The following CDH12 variants were observed in gnomAD, a reference collection of about 807,000 sequenced individuals.
CDH12 encodes the protein cadherin 12, also known as cadherin-12.
A neutral mutation model predicts 74.1 loss-of-function variants in CDH12; 41 were observed. That is an observed-to-expected ratio of 0.55 (90% CI 0.43 to 0.72). The LOEUF (loss-of-function observed/expected upper bound fraction) is 0.72, where lower values mean the gene tolerates loss of function less well. Ranked by LOEUF, CDH12 falls within the 30% of genes least tolerant of loss-of-function variation. The pLI, the probability that CDH12 is intolerant of heterozygous loss-of-function variation, is 0.00. For synonymous variants in CDH12, 399 were observed against 355.0 expected (o/e 1.12, Z -1.39); for missense variants, 945 against 977.2 (o/e 0.97, Z 0.44).
At chr5:21,979,844 T>C (rs1197336772) in intron 5 of CDH12, among the ~76,000 whole-genome samples, 3 of 151,882 alleles carry the variant, frequency 2.0e-5, no homozygotes, top group Non-Finnish European at 4.4e-5. Context: ...TAGTTCTAGA[T>C]CCCTGAGGAA....
chr5:22,805,429 A>G (rs1166851665), intron 1 of CDH12, among the ~76,000 whole-genome samples: 1 of 152,048 alleles, frequency 6.6e-6, no homozygotes, highest in African/African-American at 2.4e-5. Context: ...AAGAATAATA[A>G]TTACATCTAA....
intron 6 of CDH12, among the ~76,000 whole-genome samples, chr5:21,967,071 T>C (rs1020994034): frequency 1.3e-5 from 2 of 152,026 alleles, no homozygotes; most frequent in Non-Finnish European, 2.9e-5. Context: ...TTAATGCTGA[T>C]GTTAATGCAT....
chr5:21,880,684 T>TTTCTTTCTTTCTTTCTTTCTTTCC (rs1561268943), intron 6 of CDH12, among the ~76,000 whole-genome samples: 1 of 133,348 alleles, frequency 7.5e-6, no homozygotes, highest in African/African-American at 2.7e-5. Flanking sequence ...TCTTTCTTTC[T>TTTCTTTCTTTCTTTCTTTCTTTCC]TTCTTTCTCT....
chr5:22,819,026 C>A (rs953747238), intron 1 of CDH12, among the ~76,000 whole-genome samples: 1 of 151,952 alleles, frequency 6.6e-6, no homozygotes, highest in Non-Finnish European at 1.5e-5. Flanking sequence ...CACTGACTGA[C>A]CCACTTAATA....
At chr5:22,122,145 G>A (rs1580284205) in intron 4 of CDH12, among the ~76,000 whole-genome samples, 1 of 152,150 alleles carries the variant, frequency 6.6e-6, no homozygotes, top group African/African-American at 2.4e-5. Context: ...GCTTATGCCT[G>A]TAATCCCAGC....
chr5:22,275,434 T>C (rs924007295), intron 3 of CDH12, among the ~76,000 whole-genome samples: 1 of 152,118 alleles, frequency 6.6e-6, no homozygotes, highest in Non-Finnish European at 1.5e-5. Flanking sequence ...GTGAACTCAA[T>C]CATGTTATGA....
At chr5:22,193,308 C>A (rs2150348278) in intron 4 of CDH12, among the ~76,000 whole-genome samples, 1 of 152,262 alleles carries the variant, frequency 6.6e-6, no homozygotes, top group African/African-American at 2.4e-5. Flanking sequence ...TAACCAAGAG[C>A]ATAAGGAAAT....
intron 3 of CDH12, among the ~76,000 whole-genome samples, chr5:22,342,393 TG>T (rs1433531170): frequency 2.6e-5 from 4 of 152,218 alleles, no homozygotes; most frequent in Non-Finnish European, 5.9e-5. Context: ...ACATTATTTC[TG>T]TCCAAATCTT....
intron 1 of CDH12, among the ~76,000 whole-genome samples, chr5:22,600,521 A>G (rs1027348560): frequency 4.6e-5 from 7 of 152,050 alleles, no homozygotes; most frequent in Non-Finnish European, 8.8e-5. Flanking sequence ...TTTCTACCCA[A>G]TACTGGTTCT....
At chr5:22,034,202 T>A (rs1179617256) in intron 5 of CDH12, among the ~76,000 whole-genome samples, 1 of 152,198 alleles carries the variant, frequency 6.6e-6, no homozygotes, top group Non-Finnish European at 1.5e-5. Context: ...GCCTGGATAA[T>A]TTTTATACCT....
chr5:22,310,182 C>A (rs2150427564), intron 3 of CDH12, among the ~76,000 whole-genome samples: 1 of 152,032 alleles, frequency 6.6e-6, no homozygotes, highest in African/African-American at 2.4e-5. Flanking sequence ...AACAACAGGC[C>A]AAGCGCGGTG....
intron 5 of CDH12, among the ~76,000 whole-genome samples, chr5:21,990,099 G>A (rs982815494): frequency 3.3e-5 from 5 of 152,044 alleles, no homozygotes; most frequent in African/African-American, 4.8e-5. Flanking sequence ...TTTAGAGGTC[G>A]AAGTTTTCTT....
chr5:22,511,276 CAT>C, intron 1 of CDH12, among the ~76,000 whole-genome samples: 1 of 152,106 alleles, frequency 6.6e-6, no homozygotes, highest in East Asian at 1.9e-4. Context: ...AAATTAAAAT[CAT>C]ATATTTAAAG....
chr5:21,839,537 T>C (rs753127446), intron 8 of CDH12, among the ~76,000 whole-genome samples: 1 of 152,128 alleles, frequency 6.6e-6, no homozygotes, highest in Non-Finnish European at 1.5e-5. Context: ...ATTTGGCCTT[T>C]AGACATTTGG....
At chr5:22,206,979 G>A (rs967591653) in intron 4 of CDH12, among the ~76,000 whole-genome samples, 7 of 150,782 alleles carry the variant, frequency 4.6e-5, no homozygotes, top group Non-Finnish European at 7.4e-5. Context: ...TTTGGGAGGC[G>A]GAGGTGGATG....
intron 4 of CDH12, among the ~76,000 whole-genome samples, chr5:22,153,642 C>G (rs1457092869): frequency 6.6e-6 from 1 of 150,630 alleles, no homozygotes; most frequent in Non-Finnish European, 1.5e-5. Flanking sequence ...TTATCTCTCA[C>G]TGTATTTTTA....
intron 1 of CDH12, among the ~76,000 whole-genome samples, chr5:22,760,821 T>A (rs1290344748): frequency 6.6e-6 from 1 of 152,020 alleles, no homozygotes; most frequent in Non-Finnish European, 1.5e-5. Context: ...ATTGAGTAAC[T>A]GAAATTGAAT....
intron 1 of CDH12, among the ~76,000 whole-genome samples, chr5:22,740,803 T>A (rs1580946588): frequency 6.6e-6 from 1 of 152,094 alleles, no homozygotes; most frequent in Non-Finnish European, 1.5e-5. Flanking sequence ...TACCATTCCA[T>A]GAGCTAAGAT....
chr5:21,824,777 A>T (rs1158318470), intron 8 of CDH12, among the ~76,000 whole-genome samples: 2 of 152,120 alleles, frequency 1.3e-5, no homozygotes, highest in Non-Finnish European at 2.9e-5. Context: ...GTAGACAGGG[A>T]CTACACATGG....
Sources: allele counts gnomAD v4.1 joint callset (sites outside exome capture counted in the v4.1 genomes callset), GRCh38; gene constraint gnomAD v4.1.1; transcripts MANE v1.5; gene names NCBI Gene and HGNC (gene_info 2026-07-23, HGNC 2026-07-21).